NCAM2: variants seen among roughly 807,000 people sequenced by gnomAD.
The protein encoded by NCAM2 is neural cell adhesion molecule 2, also known as N-CAM-2.
In NCAM2, 30 loss-of-function variants were observed where a neutral mutation model predicts 98.1. The ratio of observed to expected loss-of-function variants is 0.31; its 90% CI spans 0.23 to 0.41. NCAM2 has a LOEUF of 0.41. Among genes scored for constraint, NCAM2 ranks in the 10% least tolerant of loss-of-function variants. The probability of loss-of-function intolerance (pLI) is 1.00; values close to 1 mark genes in which losing one functional copy is unlikely to be tolerated. For synonymous variants in NCAM2, 368 were observed against 342.4 expected, an observed-to-expected ratio of 1.07 and a Z score of -0.83; for missense variants, 867 against 1,005.8, an observed-to-expected ratio of 0.86 and a Z score of 1.87.
chr21:21,265,954 G>C (rs1487806983), intron 1 of NCAM2, among the ~76,000 whole-genome samples: 1 of 152,034 alleles, frequency 6.6e-6, no homozygotes, highest in Non-Finnish European at 1.5e-5. Flanking sequence ...AACCAGCTCT[G>C]TTTTCAGATG....
chr21:21,481,590 G>C (rs1398770828), intron 15 of NCAM2, among the ~76,000 whole-genome samples: 1 of 152,150 alleles, frequency 6.6e-6, no homozygotes, highest in Non-Finnish European at 1.5e-5. Flanking sequence ...AAGGTGAGCA[G>C]AGGAGGGAAA....
chr21:21,136,506 T>A (rs8133057), intron 1 of NCAM2, among the ~76,000 whole-genome samples: 63,807 of 150,924 alleles, frequency 0.42, 14,038 homozygotes, highest in African/African-American at 0.55. Context: ...CTGTCACTCA[T>A]GCTGGAGTGC....
chr21:21,098,275 A>C (rs1337414619), intron 1 of NCAM2, among the ~76,000 whole-genome samples: 1 of 151,686 alleles, frequency 6.6e-6, no homozygotes, highest in Admixed American at 6.6e-5. Flanking sequence ...CCTTGGTATT[A>C]CTATGTAAAC....
intron 1 of NCAM2, among the ~76,000 whole-genome samples, chr21:21,119,115 C>A (rs776935624): frequency 2.7e-4 from 41 of 152,070 alleles, no homozygotes; most frequent in Admixed American, 1.0e-3. Context: ...TTTGGGAGAT[C>A]ATGATAATGC....
At chr21:21,347,971 TAGA>T (rs1376619477) in intron 8 of NCAM2, among the ~76,000 whole-genome samples, 2 of 152,024 alleles carry the variant, frequency 1.3e-5, no homozygotes, top group East Asian at 3.9e-4. Flanking sequence ...GTCAAAATAA[TAGA>T]AGCCATATAC....
intron 1 of NCAM2, among the ~76,000 whole-genome samples, chr21:21,099,614 C>G (rs941974488): frequency 6.6e-6 from 1 of 151,858 alleles, no homozygotes; most frequent in Admixed American, 6.6e-5. Context: ...CTCACAGGCT[C>G]CCTTCCATGA....
intron 12 of NCAM2, among the ~76,000 whole-genome samples, chr21:21,436,598 A>G (rs1449115774): frequency 2.0e-5 from 3 of 151,656 alleles, no homozygotes; most frequent in Admixed American, 2.0e-4. Context: ...TGCCTTGTTT[A>G]TGTCATTGTT....
At chr21:21,105,916 G>A (rs182691034) in intron 1 of NCAM2, among the ~76,000 whole-genome samples, 314 of 152,072 alleles carry the variant, frequency 2.1e-3, no homozygotes, top group Middle Eastern at 3.4e-3. Flanking sequence ...TCATCATATC[G>A]TATATAATTA....
chr21:21,322,151 C>A (rs1190465068), intron 5 of NCAM2, among the ~76,000 whole-genome samples: 2 of 152,180 alleles, frequency 1.3e-5, no homozygotes, highest in Admixed American at 1.3e-4. Context: ...AACATGAAAT[C>A]ATGTCCTTTG....
chr21:21,045,634 A>G (rs1316056397), intron 1 of NCAM2, among the ~76,000 whole-genome samples: 1 of 152,172 alleles, frequency 6.6e-6, no homozygotes, highest in Non-Finnish European at 1.5e-5. Flanking sequence ...TGGGTGACAA[A>G]GCAAGACCCT....
intron 1 of NCAM2, among the ~76,000 whole-genome samples, chr21:21,172,459 A>C (rs1457090886): frequency 6.6e-6 from 1 of 152,024 alleles, no homozygotes; most frequent in Non-Finnish European, 1.5e-5. Context: ...TAAGTCTGAA[A>C]AGTTCTGTAA....
chr21:21,325,235 A>G (rs560894931), intron 6 of NCAM2, among the ~76,000 whole-genome samples: 1 of 152,312 alleles, frequency 6.6e-6, no homozygotes, highest in Non-Finnish European at 1.5e-5. Flanking sequence ...GAATCACTTC[A>G]TAAACCATAT....
chr21:21,023,312 T>A (rs2146193643), intron 1 of NCAM2, among the ~76,000 whole-genome samples: 1 of 152,048 alleles, frequency 6.6e-6, no homozygotes, highest in East Asian at 1.9e-4. Context: ...TCACTTGAGG[T>A]CAGGAGTTTG....
chr21:21,280,533 T>C (rs760218257), intron 1 of NCAM2, 45 bp from the exon 2 acceptor site: 2 of 1,362,258 alleles, frequency 1.5e-6, no homozygotes, highest in Non-Finnish European at 2.1e-6. Flanking sequence ...ATCTTAGAAA[T>C]CACGCTTAAA....
At chr21:21,463,782 G>T (rs1368641655) in intron 12 of NCAM2, 1 of 152,066 alleles carries the variant, frequency 6.6e-6, no homozygotes, top group South Asian at 2.1e-4. Context: ...GAAGGAAGGG[G>T]ATTGCTGACA....
chr21:21,224,684 A>G (rs2070311198), intron 1 of NCAM2, among the ~76,000 whole-genome samples: 1 of 152,146 alleles, frequency 6.6e-6, no homozygotes, highest in South Asian at 2.1e-4. Flanking sequence ...GTAATATATG[A>G]TTAGCAGACA....
chr21:21,290,915 G>A (rs909512175), intron 4 of NCAM2, among the ~76,000 whole-genome samples: 13 of 151,830 alleles, frequency 8.6e-5, no homozygotes, highest in Non-Finnish European at 1.8e-4. Flanking sequence ...GGTATAGGCA[G>A]GATCCTACCA....
At chr21:21,459,660 A>G (rs914900453) in intron 12 of NCAM2, among the ~76,000 whole-genome samples, 6 of 151,394 alleles carry the variant, frequency 4.0e-5, no homozygotes, top group South Asian at 2.1e-4. Context: ...GATCTCACTT[A>G]TATGTGGAAT....
At chr21:21,274,189 T>C (rs2072635825) in intron 1 of NCAM2, among the ~76,000 whole-genome samples, 1 of 151,164 alleles carries the variant, frequency 6.6e-6, no homozygotes, top group Admixed American at 6.6e-5. Flanking sequence ...AAAATTTTAA[T>C]CACTTAGCCC....
Sources: allele counts gnomAD v4.1 joint callset (sites outside exome capture counted in the v4.1 genomes callset), GRCh38; gene constraint gnomAD v4.1.1; transcripts MANE v1.5; gene names NCBI Gene and HGNC (gene_info 2026-07-23, HGNC 2026-07-21).